AIM2: variants seen among roughly 807,000 people sequenced by gnomAD.
The protein encoded by AIM2 is interferon-inducible protein AIM2.
Under a neutral mutation model 27.7 loss-of-function variants are expected in AIM2, and 30 were observed. That is an observed-to-expected ratio of 1.08 (90% CI 0.81 to 1.47). The LOEUF is 1.47. Ranked by LOEUF, AIM2 falls within the 40% of genes most tolerant of loss-of-function variation. The pLI is 0.00. For missense variants in AIM2, 358 were observed against 411.3 expected, an observed-to-expected ratio of 0.87 and a Z score of 1.12; for synonymous variants, 141 against 145.3, an observed-to-expected ratio of 0.97 and a Z score of 0.21.
intron 1 of AIM2, chr1:159,123,479 C>G (rs1330508881): frequency 1.3e-5 from 2 of 152,020 alleles, no homozygotes; most frequent in African/African-American, 4.8e-5. Flanking sequence ...TTTCCAACTT[C>G]GTCGTATATT....
intron 1 of AIM2, among the ~76,000 whole-genome samples, chr1:159,122,777 C>A (rs1468461647): frequency 6.6e-6 from 1 of 152,154 alleles, no homozygotes; most frequent in African/African-American, 2.4e-5. Context: ...AATGTGTTCT[C>A]TTGATAGGCA....
intron 5 of AIM2, 103 bp downstream of exon 5, chr1:159,063,383 C>G: frequency 4.5e-6 from 5 of 1,116,836 alleles, no homozygotes; most frequent in Non-Finnish European, 6.4e-6. Flanking sequence ...ATATCAATGT[C>G]TTCCACTCTA....
intron 1 of AIM2, among the ~76,000 whole-genome samples, chr1:159,101,787 T>C (rs192654055): frequency 2.0e-5 from 3 of 152,112 alleles, no homozygotes; most frequent in Non-Finnish European, 4.4e-5. Flanking sequence ...AACTTTGAAC[T>C]TAAGAGAGAT....
intron 1 of AIM2, among the ~76,000 whole-genome samples, chr1:159,086,033 A>T (rs112185079): frequency 6.6e-6 from 1 of 152,224 alleles, no homozygotes; most frequent in Non-Finnish European, 1.5e-5. Flanking sequence ...TTTGTTGATT[A>T]TACCTCAATA....
intron 1 of AIM2, among the ~76,000 whole-genome samples, chr1:159,105,806 G>T (rs569244360): frequency 9.2e-5 from 14 of 152,188 alleles, no homozygotes; most frequent in African/African-American, 3.4e-4. Flanking sequence ...TGTAGTTATT[G>T]GTCCATGGGT....
upstream of AIM2, chr1:159,081,432 C>T (rs1557898721): frequency 7.0e-6 from 3 of 429,032 alleles, no homozygotes; most frequent in Non-Finnish European, 1.4e-5. Flanking sequence ...TGTCAGGAGA[C>T]ATGATAATCT....
the AIM2 span, among the ~76,000 whole-genome samples, chr1:159,056,649 G>C: frequency 7.5e-6 from 1 of 134,098 alleles, no homozygotes; most frequent in Non-Finnish European, 1.5e-5. Context: ...GAGGGGTAAG[G>C]ACAGCTCAAA....
intron 3 of AIM2, 144 bp from the exon 4 acceptor site, chr1:159,066,473 G>A: frequency 2.5e-6 from 2 of 816,018 alleles, no homozygotes; most frequent in Non-Finnish European, 3.8e-6. Flanking sequence ...GATACGAAGA[G>A]AGTTGAGGCC....
chr1:159,066,025 T>A lies in AIM2; in HGVS notation c.701A>T (p.Gln234Leu), dbSNP rs1330505100. 5 of 1,614,228 alleles carry A rather than the reference T, an allele frequency of 3.1e-6. No individual in the cohort carries two copies. In the Admixed American group the frequency reaches 8.3e-5, roughly 27 times the overall value. The change falls in exon 4 of 6, where the codon CAA (glutamine) becomes CTA (leucine). Residue 234 changes from glutamine (Q) to leucine (L), a missense_variant. Physicochemically the swap from Gln to Leu is moderately radical, Grantham distance 113. Coordinates refer to ENST00000368130, the MANE Select transcript of AIM2 (RefSeq NM_004833.3). ...AATGTTCAGCGGGACATTAACCTTT[T>A]GGTCAGATTCAGCATCTAACACACG... ...ASRVLDAESD[Q>L]KVNVPLNIIR...
chr1:159,098,537 T>C (rs1035912589), intron 1 of AIM2, among the ~76,000 whole-genome samples: 1 of 152,196 alleles, frequency 6.6e-6, no homozygotes, highest in Admixed American at 6.5e-5. Context: ...ATTTCCAGCG[T>C]TATAAAAAGT....
At chr1:159,073,168 G>A in intron 2 of AIM2, 70 bp downstream of exon 2, 12 of 1,576,946 alleles carry the variant, frequency 7.6e-6, no homozygotes, top group South Asian at 1.1e-5. Flanking sequence ...ATATCCCAGG[G>A]ATGCCATGAA....
At chr1:159,079,831 GCT>G (rs1347972956), upstream of AIM2, among the ~76,000 whole-genome samples, 1 of 152,126 alleles carries the variant, frequency 6.6e-6, no homozygotes, top group East Asian at 1.9e-4. Flanking sequence ...AATCCTCTGT[GCT>G]CTGTCTAGTC....
chr1:159,110,435 C>CT (rs1557908055), intron 1 of AIM2, among the ~76,000 whole-genome samples: 14 of 152,150 alleles, frequency 9.2e-5, no homozygotes. Context: ...TTAAAAAATT[C>CT]TTTTATATTA....
chr1:159,065,142 TTCTC>T (rs1656027689), intron 4 of AIM2, among the ~76,000 whole-genome samples: 1 of 152,124 alleles, frequency 6.6e-6, no homozygotes, highest in African/African-American at 2.4e-5. Flanking sequence ...GGGCAGCAGG[TTCTC>T]TCTCTATGGT....
chr1:159,085,914 AAC>A (rs376287897), intron 1 of AIM2, among the ~76,000 whole-genome samples: 4 of 152,094 alleles, frequency 2.6e-5, no homozygotes, highest in Non-Finnish European at 4.4e-5. Context: ...TAAATGTTCT[AAC>A]ACACACACAC....
chr1:159,063,192 G>A (rs1211880845), intron 5 of AIM2, among the ~76,000 whole-genome samples: 2 of 152,166 alleles, frequency 1.3e-5, no homozygotes, highest in African/African-American at 2.4e-5. Flanking sequence ...TGACTTTTCC[G>A]ACTCTGGGCA....
chr1:159,061,904 A>C (rs1655850810), downstream of AIM2, among the ~76,000 whole-genome samples: 1 of 152,200 alleles, frequency 6.6e-6, no homozygotes, highest in Admixed American at 6.5e-5. Flanking sequence ...CTACACCAAG[A>C]TCACACAGAT....
intron 3 of AIM2, among the ~76,000 whole-genome samples, chr1:159,066,543 T>G (rs1454559799): frequency 6.6e-6 from 1 of 152,230 alleles, no homozygotes; most frequent in East Asian, 1.9e-4. Flanking sequence ...TGTATTCAGA[T>G]AAGACGGTGT....
intron 1 of AIM2, among the ~76,000 whole-genome samples, chr1:159,082,406 T>C (rs970463710): frequency 3.3e-5 from 5 of 152,232 alleles, no homozygotes; most frequent in Non-Finnish European, 5.9e-5. Flanking sequence ...TTCTGGAGGC[T>C]GGGAAGTCCA....
Sources: gnomAD v4.1 joint callset for allele counts (sites outside exome capture counted in the v4.1 genomes callset) on GRCh38, gnomAD v4.1.1 for gene constraint, MANE v1.5 for transcripts, NCBI Gene and HGNC (gene_info 2026-07-23, HGNC 2026-07-21) for gene names.